Variants in ERBB4 observed in about 807,000 individuals in gnomAD.
ERBB4 encodes erb-b2 receptor tyrosine kinase 4.
ERBB4 carries 42 observed loss-of-function variants against 158.0 expected under a neutral mutation model. The ratio of observed to expected loss-of-function variants is 0.27; its 90% CI spans 0.21 to 0.34. ERBB4 has a LOEUF of 0.34. Among genes scored for constraint, ERBB4 ranks in the 10% least tolerant of loss-of-function variants. The pLI is 1.00. For missense variants in ERBB4, 1,333 were observed against 1,624.1 expected, an observed-to-expected ratio of 0.82 and a Z score of 3.08; for synonymous variants, 583 against 558.7, an observed-to-expected ratio of 1.04 and a Z score of -0.61.
At chr2:211,480,825 T>C (rs915963980) in intron 20 of ERBB4, among the ~76,000 whole-genome samples, 18 of 152,168 alleles carry the variant, frequency 1.2e-4, no homozygotes, top group Non-Finnish European at 2.1e-4. Flanking sequence ...GGGAAGTAGC[T>C]TCCATGGCAC....
intron 4 of ERBB4, among the ~76,000 whole-genome samples, chr2:211,754,404 T>TC (rs1365498186): frequency 3.7e-5 from 5 of 136,298 alleles, no homozygotes; most frequent in African/African-American, 1.4e-4. Context: ...ATTGCAATAA[T>TC]CCCTTTTTTT....
At chr2:212,443,868 G>A (rs1171144312) in intron 1 of ERBB4, among the ~76,000 whole-genome samples, 1 of 152,156 alleles carries the variant, frequency 6.6e-6, no homozygotes, top group African/African-American at 2.4e-5. Context: ...ACTATTACTG[G>A]GCTTTGGTGG....
At chr2:211,533,194 A>G (rs1351763787) in intron 20 of ERBB4, among the ~76,000 whole-genome samples, 1 of 151,910 alleles carries the variant, frequency 6.6e-6, no homozygotes, top group African/African-American at 2.4e-5. Flanking sequence ...ATTGTTCCAC[A>G]AAATTCCTTA....
chr2:212,146,986 C>CTTTTTTTTTTTTTTTTTTTTTTT (rs34029473), intron 1 of ERBB4, among the ~76,000 whole-genome samples: 1 of 77,452 alleles, frequency 1.3e-5, no homozygotes, highest in Non-Finnish European at 2.3e-5. Flanking sequence ...CATTGTTAGA[C>CTTTTTTTTTTTTTTTTTTTTTTT]TTTTTTTTTT....
intron 4 of ERBB4, among the ~76,000 whole-genome samples, chr2:211,766,951 T>C (rs2075564079): frequency 6.6e-6 from 1 of 152,174 alleles, no homozygotes; most frequent in African/African-American, 2.4e-5. Context: ...GTAACTTCAC[T>C]TCAGTCTGTT....
chr2:212,369,111 T>G (rs994905756), intron 1 of ERBB4, among the ~76,000 whole-genome samples: 2 of 152,180 alleles, frequency 1.3e-5, no homozygotes, highest in African/African-American at 4.8e-5. Context: ...GTCTATTACA[T>G]TTTTTGTTTG....
intron 16 of ERBB4, among the ~76,000 whole-genome samples, chr2:211,641,344 C>T (rs1242678218): frequency 6.6e-6 from 1 of 151,642 alleles, no homozygotes. Context: ...ATAAATTCTA[C>T]TGTTCCAATC....
At chr2:211,989,202 T>C (rs2082009721) in intron 2 of ERBB4, among the ~76,000 whole-genome samples, 2 of 152,010 alleles carry the variant, frequency 1.3e-5, no homozygotes, top group South Asian at 4.1e-4. Context: ...TTAACATTGT[T>C]GAAGTCCCTA....
chr2:212,000,692 C>A (rs752640577), intron 2 of ERBB4, among the ~76,000 whole-genome samples: 2 of 151,726 alleles, frequency 1.3e-5, no homozygotes, highest in Non-Finnish European at 3.0e-5. Context: ...AAGAACAATT[C>A]ATAAAACCCT....
chr2:211,964,870 C>T (rs1423387736), intron 2 of ERBB4, among the ~76,000 whole-genome samples: 2 of 152,056 alleles, frequency 1.3e-5, no homozygotes, highest in Admixed American at 1.3e-4. Flanking sequence ...TCATTATTAC[C>T]ACTCTTAGAA....
At chr2:212,065,879 G>A (rs1337894814) in intron 2 of ERBB4, among the ~76,000 whole-genome samples, 1 of 152,028 alleles carries the variant, frequency 6.6e-6, no homozygotes, top group African/African-American at 2.4e-5. Flanking sequence ...CTTGTTCTCA[G>A]TGAAGCGATG....
intron 12 of ERBB4, among the ~76,000 whole-genome samples, chr2:211,686,872 G>C (rs942867061): frequency 6.6e-6 from 1 of 151,978 alleles, no homozygotes; most frequent in African/African-American, 2.4e-5. Flanking sequence ...TTTTTGGAGG[G>C]GGTATTCTTT....
At chr2:211,835,117 C>T (rs74778976) in intron 3 of ERBB4, among the ~76,000 whole-genome samples, 6,742 of 148,606 alleles carry the variant, frequency 0.045, 258 homozygotes, top group Middle Eastern at 0.069. Flanking sequence ...GTTGCAAAGG[C>T]TAATGAAATG....
chr2:211,508,359 A>G (rs1257293392), intron 20 of ERBB4, among the ~76,000 whole-genome samples: 1 of 152,190 alleles, frequency 6.6e-6, no homozygotes, highest in Non-Finnish European at 1.5e-5. Context: ...TTTGCAGCCA[A>G]CAAACATATG....
chr2:211,644,725 T>G (rs149059516), intron 16 of ERBB4, among the ~76,000 whole-genome samples: 2 of 151,990 alleles, frequency 1.3e-5, no homozygotes, highest in African/African-American at 2.4e-5. Context: ...CAGCAGAAGA[T>G]CTTTTAAAAT....
chr2:211,408,056 C>T (rs958720300), intron 25 of ERBB4, among the ~76,000 whole-genome samples: 3 of 152,106 alleles, frequency 2.0e-5, no homozygotes, highest in African/African-American at 7.2e-5. Context: ...CTGGCCTGAA[C>T]AGGGAGCTCT....
chr2:212,492,310 T>C (rs1450703110), intron 1 of ERBB4, among the ~76,000 whole-genome samples: 1 of 151,414 alleles, frequency 6.6e-6, no homozygotes, highest in East Asian at 1.9e-4. Context: ...GATTATATCA[T>C]ACAGTGCTTA....
intron 1 of ERBB4, among the ~76,000 whole-genome samples, chr2:212,327,117 G>C (rs941153121): frequency 6.6e-6 from 1 of 150,470 alleles, no homozygotes; most frequent in African/African-American, 2.4e-5. Context: ...TTTTTGAGAC[G>C]ATTAAATGAG....
At chr2:211,711,386 C>T (rs1307431289) in intron 9 of ERBB4, among the ~76,000 whole-genome samples, 1 of 152,132 alleles carries the variant, frequency 6.6e-6, no homozygotes, top group Non-Finnish European at 1.5e-5. Flanking sequence ...AAATAGATAA[C>T]ATACAATGTT....
Sources: allele counts gnomAD v4.1 joint callset (sites outside exome capture counted in the v4.1 genomes callset), GRCh38; gene constraint gnomAD v4.1.1; transcripts MANE v1.5; gene names NCBI Gene and HGNC (gene_info 2026-07-23, HGNC 2026-07-21).